Variants in PHKA1 observed in about 807,000 individuals in gnomAD.
PHKA1 encodes phosphorylase b kinase regulatory subunit alpha, skeletal muscle isoform.
PHKA1 carries 60 observed loss-of-function variants against 110.2 expected under a neutral mutation model. The observed-to-expected ratio is 0.54, with a 90% CI of 0.44 to 0.68. The LOEUF is 0.68. PHKA1 is among the 30% of genes least tolerant of loss of function. The pLI, the probability that PHKA1 is intolerant of heterozygous loss-of-function variation, is 0.00. For missense variants in PHKA1, 801 were observed against 942.5 expected (o/e 0.85, Z 1.97); for synonymous variants, 316 against 333.6 (o/e 0.95, Z 0.58).
chrX:72,621,382 C>A (rs182468376), intron 18 of PHKA1, among the ~76,000 whole-genome samples: 1 of 111,516 alleles, frequency 9.0e-6, no homozygotes, highest in Non-Finnish European at 1.9e-5. Flanking sequence ...ATGTACCAGG[C>A]AGTGTACTAG....
At chrX:72,699,261 A>G (rs782772331) in intron 3 of PHKA1, among the ~76,000 whole-genome samples, 65 of 109,745 alleles carry the variant, frequency 5.9e-4, no homozygotes, top group South Asian at 5.5e-3. Flanking sequence ...TAATACCAGC[A>G]CTCTGGGAGG....
At chrX:72,662,177 G>A (rs782118052) in intron 8 of PHKA1, among the ~76,000 whole-genome samples, 10 of 112,256 alleles carry the variant, frequency 8.9e-5, no homozygotes, top group African/African-American at 3.2e-4. Context: ...TATTACTCCA[G>A]AGTACAAGTA....
chrX:72,668,060 C>T (rs1603266913), intron 6 of PHKA1, among the ~76,000 whole-genome samples: 1 of 111,985 alleles, frequency 8.9e-6, no homozygotes, highest in Non-Finnish European at 1.9e-5. Flanking sequence ...TTTTGACATA[C>T]TATTATCTCA....
intron 7 of PHKA1, 126 bp from the exon 8 acceptor site, chrX:72,666,423 T>C (rs782399232): frequency 8.4e-5 from 50 of 593,881 alleles, no homozygotes; most frequent in Non-Finnish European, 1.2e-4. Context: ...ACATTCTTTA[T>C]CTATTTTAAG....
chrX:72,615,111 G>T (rs1249746366), intron 21 of PHKA1, among the ~76,000 whole-genome samples: 4 of 106,362 alleles, frequency 3.8e-5, no homozygotes, highest in African/African-American at 1.4e-4. Flanking sequence ...CCAGGAGATA[G>T]TGAGATGAGG....
chrX:72,582,276 C>A, intron 31 of PHKA1, 122 bp downstream of exon 31: 3 of 506,752 alleles, frequency 5.9e-6, no homozygotes, highest in Non-Finnish European at 1.0e-5. Flanking sequence ...ACAAAGGGGG[C>A]CCAAAAAAGA....
chrX:72,639,168 T>C (rs1415370904), intron 14 of PHKA1, among the ~76,000 whole-genome samples: 1 of 112,299 alleles, frequency 8.9e-6, no homozygotes, highest in Non-Finnish European at 1.9e-5. Context: ...ATTGTTGTTT[T>C]GCCACCACAG....
intron 28 of PHKA1, among the ~76,000 whole-genome samples, chrX:72,600,789 G>A (rs1434545043): frequency 9.0e-6 from 1 of 111,259 alleles, no homozygotes; most frequent in Non-Finnish European, 1.9e-5. Flanking sequence ...CCAGGATTTT[G>A]TGCCTGTTAA....
chrX:72,595,160 C>T (rs2052573224), intron 28 of PHKA1, among the ~76,000 whole-genome samples: 1 of 111,907 alleles, frequency 8.9e-6, no homozygotes, highest in Non-Finnish European at 1.9e-5. Flanking sequence ...TAATGTAATA[C>T]ACTACATCAA....
intron 23 of PHKA1, 72 bp from the exon 24 acceptor site, chrX:72,605,691 G>C (rs1040073187): frequency 5.0e-5 from 40 of 797,516 alleles, no homozygotes; most frequent in Non-Finnish European, 6.8e-5. Flanking sequence ...AAAAAATGAA[G>C]AAGCTTTATC....
chrX:72,632,150 A>G (rs1556288677), intron 16 of PHKA1, among the ~76,000 whole-genome samples: 1 of 111,793 alleles, frequency 8.9e-6, no homozygotes. Context: ...CTTTTTGGAT[A>G]CATAGTTATA....
intron 4 of PHKA1, among the ~76,000 whole-genome samples, chrX:72,687,506 C>G (rs2053980900): frequency 9.0e-6 from 1 of 111,047 alleles, no homozygotes; most frequent in Non-Finnish European, 1.9e-5. Context: ...TCCTTTTGCT[C>G]ATAATCTCCA....
chrX:72,698,261 T>C (rs1792438136), intron 3 of PHKA1, among the ~76,000 whole-genome samples: 2 of 111,593 alleles, frequency 1.8e-5, no homozygotes, highest in Non-Finnish European at 3.8e-5. Context: ...TTATGTGTTG[T>C]GTACACACTG....
At chrX:72,705,914 G>A (rs188137436) in intron 2 of PHKA1, among the ~76,000 whole-genome samples, 3 of 111,510 alleles carry the variant, frequency 2.7e-5, no homozygotes, top group African/African-American at 6.5e-5. Context: ...CCCATCAATC[G>A]TGGCATGGGT....
chrX:72,616,324 T>C (rs1318977568), intron 21 of PHKA1, among the ~76,000 whole-genome samples: 1 of 112,134 alleles, frequency 8.9e-6, no homozygotes, highest in Admixed American at 9.4e-5. Flanking sequence ...GCCATGTTCA[T>C]GGCACTACAC....
intron 8 of PHKA1, among the ~76,000 whole-genome samples, chrX:72,665,386 T>C (rs1556305927): frequency 9.0e-6 from 1 of 111,511 alleles, no homozygotes; most frequent in Non-Finnish European, 1.9e-5. Context: ...GTAATGGGAC[T>C]GAATCAGTAA....
intron 2 of PHKA1, among the ~76,000 whole-genome samples, chrX:72,707,323 A>G (rs1382458257): frequency 1.8e-5 from 2 of 111,949 alleles, no homozygotes; most frequent in Non-Finnish European, 3.8e-5. Context: ...ATTATCCTTT[A>G]AAACCCAACT....
Position 72,579,391 on chromosome X carries a change from C to A in PHKA1, c.*1611G>T, listed in dbSNP as rs782370686. 9.0e-6 allele frequency: 1 copy of A among 111,612 alleles called. No homozygotes were observed. The highest frequency in any genetic ancestry group is 3.3e-5 in the African/African-American group (1 of 30,685). The allele number at this position is 111,612 out of a possible 1,213,427, so 9.2% of individuals were successfully genotyped here. A position where few individuals can be genotyped will look rare whatever the true frequency, so the allele number is the denominator to read the frequency against. ...TGTTCAGAGAGTCTCTCATCCCCAC[C>A]CTCACCATTCCCAATATTGGGGAAA... On this transcript the variant is annotated 3_prime_UTR_variant, in exon 32 of 32. Transcript: ENST00000373542.
In PHKA1 at chrX:72,713,947, G is replaced by A; in HGVS notation, c.-67C>T. 4 of 818,697 alleles carry A rather than the reference G, an allele frequency of 4.9e-6. No individual in the cohort carries two copies. Among genetic ancestry groups the A allele is most frequent in the Non-Finnish European group, 7.3e-6 (4 of 547,349 alleles). The allele number at this position is 818,697 out of a possible 1,213,427, so 67.5% of individuals were successfully genotyped here. A position where few individuals can be genotyped will look rare whatever the true frequency, so the allele number is the denominator to read the frequency against. On this transcript the variant is annotated 5_prime_UTR_variant, in exon 1 of 32. Transcript: ENST00000373542. ...GCCACCGGAGCCTTCGGTCCCTAAG[G>A]AACAAGTATCCAACGCTGCTCCACC... is the stretch of plus-strand genomic sequence containing the variant.
Sources: gnomAD v4.1 joint callset for allele counts (sites outside exome capture counted in the v4.1 genomes callset) on GRCh38, gnomAD v4.1.1 for gene constraint, MANE v1.5 for transcripts, NCBI Gene and HGNC (gene_info 2026-07-23, HGNC 2026-07-21) for gene names.